Variants in ZNF331 observed in about 807,000 individuals in gnomAD.
ZNF331 encodes the protein zinc finger protein 331.
In ZNF331, 2 loss-of-function variants were observed where a neutral mutation model predicts 7.0. The ratio of observed to expected loss-of-function variants is 0.29; its 90% CI spans 0.12 to 0.90. ZNF331 has a LOEUF of 0.90. ZNF331 is among the 40% of genes least tolerant of loss of function. The pLI is 0.58. For synonymous variants in ZNF331, 196 were observed against 205.4 expected, an observed-to-expected ratio of 0.95 and a Z score of 0.39; for missense variants, 432 against 587.7, an observed-to-expected ratio of 0.74 and a Z score of 2.74.
the ZNF331 span, among the ~76,000 whole-genome samples, chr19:53,509,323 A>G: frequency 6.6e-6 from 1 of 152,224 alleles, no homozygotes; most frequent in Non-Finnish European, 1.5e-5. Context: ...CAAATCAAGT[A>G]ATGGAACCCC....
At chr19:53,549,428 C>T (rs1037560419) in intron 2 of ZNF331, among the ~76,000 whole-genome samples, 10 of 152,076 alleles carry the variant, frequency 6.6e-5, no homozygotes, top group African/African-American at 2.2e-4. Context: ...TGAAATCCGT[C>T]CTCCCAGGGA....
chr19:53,506,160 C>A, the ZNF331 span, among the ~76,000 whole-genome samples: 1 of 150,838 alleles, frequency 6.6e-6, no homozygotes, highest in South Asian at 2.1e-4. Flanking sequence ...ATGGGGAAAC[C>A]CTGTCTCTAC....
rs1490538204 is a variant in ZNF331, at chr19:53,573,291, C to T, written c.136+1561C>T. ...CACAAGACTGGCAGGCCAAGGCAGA[C>T]GGATCACGAAGATAGGAGTTCGAGA... On this transcript the variant is annotated intron_variant, in intron 5 of 5. Coordinates refer to ENST00000449416, the MANE Select transcript of ZNF331 (RefSeq NM_001079906.2). The surrounding 1 kb of genome is among the most constrained non-coding windows in gnomAD (Gnocchi z 4.2). 2.0e-4 allele frequency among the ~76,000 whole-genome samples: 31 copies of T among 151,650 alleles called. 1 individual carries two copies. Among genetic ancestry groups the T allele is most frequent in the Admixed American group, 1.6e-3 (25 of 15,192 alleles).
chr19:53,571,102 G>A lies in ZNF331; in HGVS notation c.10-502G>A, dbSNP rs190828168. ...TCTCGATCTCCTGACCTCGTGATCC[G>A]CCTGCCTTGTTCTCGTGATCCGCCT... is the stretch of plus-strand genomic sequence containing the variant. On this transcript the variant is annotated intron_variant, in intron 4 of 5. Transcript: ENST00000449416. The surrounding 1 kb of genome is among the most constrained non-coding windows in gnomAD (Gnocchi z 4.7). Among the ~76,000 whole-genome samples, 171 of 151,218 alleles carry A rather than the reference G, an allele frequency of 1.1e-3. 2 individuals are homozygous for A. Among genetic ancestry groups the A allele is most frequent in the African/African-American group, 4.0e-3 (163 of 41,224 alleles).
intron 3 of ZNF331, among the ~76,000 whole-genome samples, chr19:53,559,899 C>T (rs1028038310): frequency 2.0e-5 from 3 of 150,624 alleles, no homozygotes; most frequent in African/African-American, 7.3e-5. Context: ...GCCATACACA[C>T]ACATATGTAC....
In ZNF331 at chr19:53,552,384, A is replaced by G. The variant is rs548010887; in HGVS notation, c.-137-3461A>G. On this transcript the variant is annotated intron_variant, in intron 2 of 5. Coordinates refer to ENST00000449416, the MANE Select transcript of ZNF331 (RefSeq NM_001079906.2). Reference sequence around the variant, plus strand: ...AAGTTCCTTTTAGTTAGCATTTGCTATATTGACAGCTGGTTTGACAAGTAC... The same window carrying G: ...AAGTTCCTTTTAGTTAGCATTTGCTGTATTGACAGCTGGTTTGACAAGTAC... 2.6e-5 allele frequency among the ~76,000 whole-genome samples: 4 copies of G among 152,250 alleles called. No individual in the cohort carries two copies. In the South Asian group the frequency reaches 8.3e-4, roughly 32 times the overall value.
chr19:53,532,504 A>AT (rs990453514), intron 2 of ZNF331, among the ~76,000 whole-genome samples: 68 of 151,574 alleles, frequency 4.5e-4, no homozygotes, highest in African/African-American at 1.5e-3. Flanking sequence ...ATGTAGGTTG[A>AT]TTTTTTTTTG....
chr19:53,520,279 T>C (rs2087016898), upstream of ZNF331, among the ~76,000 whole-genome samples: 1 of 152,046 alleles, frequency 6.6e-6, no homozygotes, highest in Non-Finnish European at 1.5e-5. Flanking sequence ...ACTCCTGATC[T>C]CAGGTGATAT....
intron 2 of ZNF331, among the ~76,000 whole-genome samples, chr19:53,546,155 A>G (rs988596628): frequency 1.2e-3 from 176 of 143,754 alleles, no homozygotes; most frequent in African/African-American, 4.8e-3. Context: ...AAAAAAAAAA[A>G]AAAAAATTAT....
intron 3 of ZNF331, among the ~76,000 whole-genome samples, chr19:53,562,780 G>A (rs2089958106): frequency 6.6e-6 from 1 of 151,740 alleles, no homozygotes; most frequent in Non-Finnish European, 1.5e-5. Context: ...ACGAAGTCAG[G>A]AGTTCGAGAC....
At chr19:53,551,096 G>T (rs980583738) in intron 2 of ZNF331, among the ~76,000 whole-genome samples, 6 of 152,030 alleles carry the variant, frequency 3.9e-5, no homozygotes. Flanking sequence ...CTCCCAAAGT[G>T]CTGGGATTAC....
At chr19:53,519,589 C>T (rs868227153), upstream of ZNF331, among the ~76,000 whole-genome samples, 1 of 152,248 alleles carries the variant, frequency 6.6e-6, no homozygotes, top group Middle Eastern at 3.2e-3. Context: ...ATAAGAACAT[C>T]TTGTCAATAT....
chr19:53,544,501 C>T (rs150827158), intron 2 of ZNF331, among the ~76,000 whole-genome samples: 6,557 of 148,154 alleles, frequency 0.044, 457 homozygotes, highest in African/African-American at 0.15. Flanking sequence ...GCCGAGATCA[C>T]GCCACTGCAC....
chr19:53,544,183 C>T (rs569320846), intron 2 of ZNF331, among the ~76,000 whole-genome samples: 11 of 148,406 alleles, frequency 7.4e-5, no homozygotes, highest in Admixed American at 2.0e-4. Flanking sequence ...GTTGAGATCA[C>T]GCCACTGCAC....
At chr19:53,517,605 C>T (rs2086933275), upstream of ZNF331, among the ~76,000 whole-genome samples, 2 of 152,136 alleles carry the variant, frequency 1.3e-5, no homozygotes, top group Non-Finnish European at 2.9e-5. Flanking sequence ...TCATTACTCT[C>T]CCCACGCAGG....
chr19:53,534,623 G>A (rs1359307531), upstream of ZNF331, among the ~76,000 whole-genome samples: 2 of 152,168 alleles, frequency 1.3e-5, no homozygotes, highest in African/African-American at 4.8e-5. Context: ...GACAAGTCAA[G>A]TTCTTCTTGT....
the ZNF331 span, among the ~76,000 whole-genome samples, chr19:53,513,159 C>T: frequency 0.17 from 24,253 of 145,354 alleles, 162 homozygotes; most frequent in African/African-American, 0.2. Context: ...TCTCTAAAAC[C>T]CTCTCAGCCG....
chr19:53,507,650 C>A, the ZNF331 span, among the ~76,000 whole-genome samples: 1 of 152,116 alleles, frequency 6.6e-6, no homozygotes, highest in Non-Finnish European at 1.5e-5. Flanking sequence ...AGAGGCTGTT[C>A]GGGCTCAGTG....
upstream of ZNF331, among the ~76,000 whole-genome samples, chr19:53,514,725 G>A (rs1327393431): frequency 4.2e-5 from 6 of 143,072 alleles, no homozygotes; most frequent in African/African-American, 1.0e-4. Context: ...ATCTCGGCTC[G>A]CTGCAAGCTC....
Sources: allele counts gnomAD v4.1 joint callset (sites outside exome capture counted in the v4.1 genomes callset), GRCh38; gene constraint gnomAD v4.1.1; non-coding constraint Gnocchi (gnomAD v3.1); transcripts MANE v1.5; gene names NCBI Gene and HGNC (gene_info 2026-07-23, HGNC 2026-07-21).